Variants in TOR1AIP2 observed in about 807,000 individuals in gnomAD.
The protein encoded by TOR1AIP2 is torsin-1A-interacting protein 2.
A neutral mutation model predicts 32.6 loss-of-function variants in TOR1AIP2; 20 were observed. The observed-to-expected ratio is 0.61, with a 90% CI of 0.43 to 0.89. The LOEUF (loss-of-function observed/expected upper bound fraction) is 0.89, where lower values mean the gene tolerates loss of function less well. TOR1AIP2 is among the 40% of genes least tolerant of loss of function. The pLI is 0.00. For synonymous variants in TOR1AIP2, 214 were observed against 210.8 expected, an observed-to-expected ratio of 1.02 and a Z score of -0.13; for missense variants, 456 against 553.8, an observed-to-expected ratio of 0.82 and a Z score of 1.77.
At chr1:179,857,275 A>G (rs1696338759) in intron 3 of TOR1AIP2, among the ~76,000 whole-genome samples, 1 of 152,258 alleles carries the variant, frequency 6.6e-6, no homozygotes, top group Admixed American at 6.5e-5. Flanking sequence ...CATTGCTGAC[A>G]GTCATTTCCA....
In TOR1AIP2 at chr1:179,851,189, G is replaced by A. The variant is rs1208189359; in HGVS notation, c.209C>T (p.Ser70Leu). 7.4e-6 allele frequency: 12 copies of A among 1,613,936 alleles called. No individual in the cohort carries two copies. In the East Asian group the frequency reaches 2.7e-4, roughly 36 times the overall value. The change falls in exon 5 of 7, where the codon TCA (serine) becomes TTA (leucine). Residue 70 changes from serine (S) to leucine (L), a missense_variant. Physicochemically the swap from Ser to Leu is moderately radical, Grantham distance 145. Coordinates refer to ENST00000609928, the MANE Select transcript of TOR1AIP2 (RefSeq NM_001199260.2). ...CACATTTGCTTCATCTGGACTTTCT[G>A]ATTTATCACCTGTATCTGCACTTTC... The part of the protein sequence containing the change: ...GPESADTGDK[S>L]ESPDEANVGK...
chr1:179,865,166 T>C, intron 3 of TOR1AIP2: 1 of 1,602,094 alleles, frequency 6.2e-7, no homozygotes, highest in Non-Finnish European at 8.5e-7. Flanking sequence ...ATGTGAATTA[T>C]CTGAAAACAT....
chr1:179,851,243 T>C lies in TOR1AIP2; in HGVS notation c.155A>G (p.Asp52Gly), dbSNP rs776252918. 6.2e-7 allele frequency: 1 copy of C among 1,613,178 alleles called. No homozygotes were observed. The highest frequency in any genetic ancestry group is 8.5e-7 in the Non-Finnish European group (1 of 1,180,036). ...ACCTTCTGTCTCTACCTCTTGGTGG[T>C]CTTTGCTAAGACCACAGGCAGAGTG... ...ILHSACGLSK[D>G]HQEVETEGPE... Residue 52 changes from aspartate to glycine, a missense_variant, in exon 5 of 7, where the codon GAC (aspartate) becomes GGC (glycine). Asp to Gly is a moderately conservative substitution (Grantham distance 94, BLOSUM62 -1). Transcript: ENST00000609928.
At chr1:179,857,510 T>C (rs960568231) in intron 3 of TOR1AIP2, among the ~76,000 whole-genome samples, 2 of 152,204 alleles carry the variant, frequency 1.3e-5, no homozygotes, top group South Asian at 4.1e-4. Flanking sequence ...TTGCCTCAAC[T>C]GCTTCCTCTG....
At chr1:179,858,146 G>A (rs1696376407) in intron 3 of TOR1AIP2, among the ~76,000 whole-genome samples, 2 of 151,276 alleles carry the variant, frequency 1.3e-5, no homozygotes, top group African/African-American at 4.9e-5. Flanking sequence ...CCCTGTCTCG[G>A]GGGAAAAAAA....
In TOR1AIP2 at chr1:179,859,599, G is replaced by C. The variant is rs952451681; in HGVS notation, c.-147+5837C>G. 2.3e-5 allele frequency: 23 copies of C among 985,192 alleles called. No individual in the cohort carries two copies. In the South Asian group the frequency reaches 8.9e-4, roughly 38 times the overall value. The allele number at this position is 985,192 out of a possible 1,614,324, so 61.0% of individuals were successfully genotyped here. A position where few individuals can be genotyped will look rare whatever the true frequency, so the allele number is the denominator to read the frequency against. ...CAGGGAACTACCACTTCAGGAATTT[G>C]TTTATTTCAGTGTTGTGGAAAGTCT... On this transcript the variant is annotated intron_variant, in intron 3 of 6. Transcript: ENST00000609928.
rs1695832869 is a variant in TOR1AIP2 at position 179,844,634 on chromosome 1, C to T, written c.*1437G>A. The stretch of plus-strand genomic sequence containing the variant: ...TTTCTTACAATCACAGAACATGGTC[C>T]GTCAGTACTGAACATCAAAACCTCT... On this transcript the variant is annotated 3_prime_UTR_variant, in exon 7 of 7. Coordinates refer to ENST00000609928, the MANE Select transcript of TOR1AIP2 (RefSeq NM_001199260.2). 6.6e-6 allele frequency: 1 copy of T among 152,124 alleles called. No homozygotes were observed. Among genetic ancestry groups the T allele is most frequent in the Admixed American group, 6.5e-5 (1 of 15,276 alleles). 9.4% of individuals were successfully genotyped at this position (152,124 alleles called of 1,614,324 possible).
chr1:179,851,508 A>C, intron 4 of TOR1AIP2, 145 bp from the exon 5 acceptor site: 2 of 577,666 alleles, frequency 3.5e-6, no homozygotes, highest in South Asian at 9.8e-5. Context: ...CTTGGCTCCC[A>C]CTAAAGGCAA....
chr1:179,870,118 T>G (rs1696952008), intron 2 of TOR1AIP2, among the ~76,000 whole-genome samples: 1 of 152,170 alleles, frequency 6.6e-6, no homozygotes, highest in Non-Finnish European at 1.5e-5. Flanking sequence ...TCTTTACGGC[T>G]GGGCACGGTG....
intron 2 of TOR1AIP2, among the ~76,000 whole-genome samples, chr1:179,871,970 T>C (rs559107722): frequency 6.6e-6 from 1 of 152,356 alleles, no homozygotes; most frequent in East Asian, 1.9e-4. Flanking sequence ...TGTGAGAAAC[T>C]ACTTTTAATT....
At chr1:179,860,468 C>T (rs747630279) in intron 3 of TOR1AIP2, 62 of 984,618 alleles carry the variant, frequency 6.3e-5, no homozygotes, top group Non-Finnish European at 6.5e-5. Context: ...GGTGACAGAA[C>T]GAGACTCTGT....
chr1:179,847,383 T>C (rs1432124042), intron 6 of TOR1AIP2, 152 bp downstream of exon 6: 5 of 660,614 alleles, frequency 7.6e-6, no homozygotes, highest in Non-Finnish European at 1.3e-5. Flanking sequence ...AAAACTCTAG[T>C]GTACTATTTT....
chr1:179,863,558 G>A (rs947390424), intron 3 of TOR1AIP2: 6 of 984,948 alleles, frequency 6.1e-6, no homozygotes, highest in Non-Finnish European at 7.2e-6. Flanking sequence ...GCCGGGTAGG[G>A]TGGCTCACGC....
intron 4 of TOR1AIP2, 24 bp downstream of exon 4, chr1:179,852,608 C>G (rs1558013070): frequency 1.9e-6 from 3 of 1,613,752 alleles, no homozygotes; most frequent in Non-Finnish European, 2.5e-6. Context: ...GCAGCAACCT[C>G]AGTGCCAGAC....
At chr1:179,849,525 A>G (rs1696038344) in intron 5 of TOR1AIP2, among the ~76,000 whole-genome samples, 1 of 152,166 alleles carries the variant, frequency 6.6e-6, no homozygotes, top group Non-Finnish European at 1.5e-5. Flanking sequence ...CCCTTGGCCT[A>G]AACTAGATTT....
chr1:179,860,891 G>A (rs572007667), intron 3 of TOR1AIP2: 22 of 985,424 alleles, frequency 2.2e-5, no homozygotes, highest in Non-Finnish European at 1.2e-5. Context: ...ATGACATGTG[G>A]ACTGCCACAT....
intron 3 of TOR1AIP2, chr1:179,859,918 C>CA: frequency 2.4e-6 from 2 of 835,696 alleles, no homozygotes; most frequent in Non-Finnish European, 2.9e-6. Context: ...GCCTCAAGCT[C>CA]ATAGCTCACT....
rs374999774 is a variant in TOR1AIP2, at chr1:179,846,382, C to T, written c.1102G>A (p.Glu368Lys). The T allele has an allele frequency of 3.1e-6, 5 of 1,614,166 alleles. No homozygotes were observed. Among genetic ancestry groups the T allele is most frequent in the Admixed American group, 1.7e-5 (1 of 60,030 alleles). Residue 368 changes from glutamate to lysine, a missense_variant, in exon 7 of 7, where the codon GAA (glutamate) becomes AAA (lysine). Coordinates refer to ENST00000609928, the MANE Select transcript of TOR1AIP2 (RefSeq NM_001199260.2). Reference sequence around the variant, plus strand: ...AAAGTGGAGCCGGCAGGGAAGGATTCGAAGTGGTGTACCACAGCAGCCTTC... The same window carrying T: ...AAAGTGGAGCCGGCAGGGAAGGATTTGAAGTGGTGTACCACAGCAGCCTTC... Reference protein sequence around the residue: ...GQKAAVVHHFESFPAGSTLIF... With the variant: ...GQKAAVVHHFKSFPAGSTLIF...
At chr1:179,874,038 T>G (rs1697103815) in intron 2 of TOR1AIP2, 1 of 152,238 alleles carries the variant, frequency 6.6e-6, no homozygotes, top group African/African-American at 2.4e-5. Flanking sequence ...ATCTGAATGC[T>G]CAGTGCTACT....
Sources: gnomAD v4.1 joint callset for allele counts (sites outside exome capture counted in the v4.1 genomes callset) on GRCh38, gnomAD v4.1.1 for gene constraint, MANE v1.5 for transcripts, NCBI Gene and HGNC (gene_info 2026-07-23, HGNC 2026-07-21) for gene names.